The following DSE variants were observed in gnomAD, a reference collection of about 807,000 sequenced individuals.
DSE encodes the protein dermatan sulfate epimerase.
In DSE, 36 loss-of-function variants were observed where a neutral mutation model predicts 84.4. The observed-to-expected ratio is 0.43, with a 90% CI of 0.33 to 0.56. The LOEUF (loss-of-function observed/expected upper bound fraction) is 0.56, where lower values mean the gene tolerates loss of function less well. Among genes scored for constraint, DSE ranks in the 20% least tolerant of loss-of-function variants. DSE has a pLI of 0.06. For synonymous variants in DSE, 410 were observed against 430.1 expected, an observed-to-expected ratio of 0.95 and a Z score of 0.58; for missense variants, 862 against 1,169.6, an observed-to-expected ratio of 0.74 and a Z score of 3.84.
At chr6:116,322,037 C>G (rs2114764006) in intron 2 of DSE, among the ~76,000 whole-genome samples, 1 of 152,210 alleles carries the variant, frequency 6.6e-6, no homozygotes, top group South Asian at 2.1e-4. Flanking sequence ...AGCCGAGCTC[C>G]CCAAGTGAGC....
rs562763619 is a variant in DSE at position 116,361,252 on chromosome 6, G to T, written c.-53-37946G>T. Among the ~76,000 whole-genome samples, 21 of 151,932 alleles carry T rather than the reference G, an allele frequency of 1.4e-4. No homozygotes were observed. In the East Asian group the frequency reaches 2.7e-3, roughly 20 times the overall value. ...CTTTTTCTACTTTTAGTAGAGGTGG[G>T]GTTTCACCATGTTGGGCAGGCTGGT... is the stretch of plus-strand genomic sequence containing the variant. On this transcript the variant is annotated intron_variant, in intron 2 of 3. Transcript: ENST00000430252.
At chr6:116,275,358 G>T (rs1447894546) in intron 2 of DSE, among the ~76,000 whole-genome samples, 1 of 152,230 alleles carries the variant, frequency 6.6e-6, no homozygotes, top group Admixed American at 6.5e-5. Flanking sequence ...ACTAAAAGGG[G>T]AAATAGTTAT....
At chr6:116,346,503 AAC>A (rs1777978350) in intron 2 of DSE, among the ~76,000 whole-genome samples, 1 of 152,212 alleles carries the variant, frequency 6.6e-6, no homozygotes, top group Non-Finnish European at 1.5e-5. Flanking sequence ...ATATAAACAG[AAC>A]CAAAGACAAA....
intron 2 of DSE, among the ~76,000 whole-genome samples, chr6:116,283,505 GGC>G (rs1773669118): frequency 6.6e-6 from 1 of 151,092 alleles, no homozygotes; most frequent in Admixed American, 6.6e-5. Flanking sequence ...CATAGCATGG[GGC>G]TCAGGTTTGG....
At chr6:116,280,779 CAG>C (rs1773478246) in intron 2 of DSE, among the ~76,000 whole-genome samples, 1 of 152,138 alleles carries the variant, frequency 6.6e-6, no homozygotes, top group Non-Finnish European at 1.5e-5. Flanking sequence ...AGAGAAATAT[CAG>C]TGGGGGGAGC....
chr6:116,442,392 A>T lies in DSE; in HGVS notation c.*5047A>T, dbSNP rs1489602728. 6.6e-6 allele frequency: 1 copy of T among 152,128 alleles called. No homozygotes were observed. The highest frequency in any genetic ancestry group is 2.4e-5 in the African/African-American group (1 of 41,420). The allele number at this position is 152,128 out of a possible 1,614,324, so 9.4% of individuals were successfully genotyped here. ...CCAGGAGGTTGTTTTAGCCATGTTA[A>T]GTTTAAGATACTTTCTAAAAATCCA... is the stretch of plus-strand genomic sequence containing the variant. On this transcript the variant is annotated 3_prime_UTR_variant, in exon 6 of 6. Transcript: ENST00000644252.
At chr6:116,283,788 C>T (rs916650221) in intron 2 of DSE, among the ~76,000 whole-genome samples, 24 of 152,170 alleles carry the variant, frequency 1.6e-4, no homozygotes, top group Non-Finnish European at 2.6e-4. Context: ...AGGTGATCCG[C>T]CCGCCTCAGC....
chr6:116,372,323 C>A (rs1024594574), intron 1 of DSE, among the ~76,000 whole-genome samples: 2 of 152,058 alleles, frequency 1.3e-5, no homozygotes, highest in Non-Finnish European at 2.9e-5. Context: ...AAAAAATTAG[C>A]CGGGCGTGGT....
intron 2 of DSE, among the ~76,000 whole-genome samples, chr6:116,301,774 C>G (rs972967140): frequency 1.3e-5 from 2 of 152,156 alleles, no homozygotes; most frequent in Non-Finnish European, 2.9e-5. Context: ...TCCTAATGCT[C>G]TCCCTCCGCT....
At chr6:116,280,570 T>C (rs539326748) in intron 2 of DSE, among the ~76,000 whole-genome samples, 2 of 152,356 alleles carry the variant, frequency 1.3e-5, no homozygotes, top group East Asian at 1.9e-4. Flanking sequence ...GAGGAAATTA[T>C]AACTATTTCC....
chr6:116,361,858 A>G (rs1778911736), intron 2 of DSE, among the ~76,000 whole-genome samples: 1 of 152,220 alleles, frequency 6.6e-6, no homozygotes, highest in South Asian at 2.1e-4. Context: ...TTATGTCATC[A>G]ACTGATTAAT....
chr6:116,424,230 C>T (rs1471187796), intron 2 of DSE, among the ~76,000 whole-genome samples: 1 of 152,214 alleles, frequency 6.6e-6, no homozygotes, highest in Non-Finnish European at 1.5e-5. Context: ...ATATTCCCAA[C>T]TCCCTGGCAA....
intron 1 of DSE, among the ~76,000 whole-genome samples, chr6:116,375,702 C>A (rs575342383): frequency 3.3e-5 from 5 of 152,346 alleles, no homozygotes; most frequent in African/African-American, 1.2e-4. Flanking sequence ...TTAGTAAACT[C>A]TCACTTATAA....
chr6:116,314,156 C>T (rs535571920), intron 2 of DSE, among the ~76,000 whole-genome samples: 1 of 152,128 alleles, frequency 6.6e-6, no homozygotes, highest in Non-Finnish European at 1.5e-5. Context: ...TTTTCTGGTC[C>T]ATGTGCTTTC....
Position 116,431,088 on chromosome 6 carries a change from C to G in DSE, c.805C>G (p.Leu269Val), listed in dbSNP as rs750010592. The G allele has an allele frequency of 6.2e-7, 1 of 1,614,196 alleles. No individual in the cohort carries two copies. The highest frequency in any genetic ancestry group is 2.2e-5 in the East Asian group (1 of 44,888). ...VAYGSYTTRS[L>V]FQYMFLVQRH... ...GTATGGCAGCTACACCACTAGATCA[C>G]TCTTCCAATACATGTTTCTCGTCCA... The change falls in exon 4 of 6, where the codon CTC (leucine) becomes GTC (valine). Residue 269 changes from leucine to valine, a missense_variant. Physicochemically the swap from Leu to Val is conservative, Grantham distance 32 (BLOSUM62 1). Transcript: ENST00000644252.
chr6:116,376,333 T>G (rs896343936), intron 1 of DSE, among the ~76,000 whole-genome samples: 1 of 152,232 alleles, frequency 6.6e-6, no homozygotes, highest in Non-Finnish European at 1.5e-5. Flanking sequence ...TGTTCCTTAC[T>G]TCTGCCATGT....
At position 116,318,485 on chromosome 6, in the gene DSE, G is replaced by A. The variant is rs1003152410; in HGVS notation, c.-54+59518G>A. On this transcript the variant is annotated intron_variant, in intron 2 of 3. Coordinates refer to the DSE transcript ENST00000430252. ...CCACTGCGCTCCAGGCTGGGCAACA[G>A]AGTGAGATTCCATCTCAAAAGAAAA... Among the ~76,000 whole-genome samples, 4 of 148,376 alleles carry A rather than the reference G, an allele frequency of 2.7e-5. No individual in the cohort carries two copies. The South Asian group carries it at 8.8e-4, about 33-fold the overall frequency.
At chr6:116,256,535 C>A (rs1772150172) in intron 1 of DSE, 1 of 152,108 alleles carries the variant, frequency 6.6e-6, no homozygotes, top group Non-Finnish European at 1.5e-5. Flanking sequence ...CAGCAAATGA[C>A]CGTACTTATT....
At chr6:116,257,195 A>G (rs554533244) in intron 1 of DSE, 1 of 152,250 alleles carries the variant, frequency 6.6e-6, no homozygotes, top group African/African-American at 2.4e-5. Flanking sequence ...TTAAATGTGT[A>G]TCTCATTTAA....
Sources: gnomAD v4.1 joint callset for allele counts (sites outside exome capture counted in the v4.1 genomes callset) on GRCh38, gnomAD v4.1.1 for gene constraint, MANE v1.5 for transcripts, NCBI Gene and HGNC (gene_info 2026-07-23, HGNC 2026-07-21) for gene names.